Variants in COG5 observed in about 807,000 individuals in gnomAD.
COG5 encodes conserved oligomeric Golgi complex subunit 5.
COG5 carries 86 observed loss-of-function variants against 110.4 expected under a neutral mutation model. The ratio of observed to expected loss-of-function variants is 0.78; its 90% CI spans 0.65 to 0.93. COG5 has a LOEUF of 0.93. Ranked by LOEUF, COG5 falls within the 40% of genes least tolerant of loss-of-function variation. The pLI is 0.00. For missense variants in COG5, 1,077 were observed against 987.0 expected, an observed-to-expected ratio of 1.09 and a Z score of -1.22; for synonymous variants, 360 against 334.6, an observed-to-expected ratio of 1.08 and a Z score of -0.83.
chr7:107,471,165 A>G (rs1796610692), intron 6 of COG5, among the ~76,000 whole-genome samples: 2 of 152,198 alleles, frequency 1.3e-5, no homozygotes, highest in African/African-American at 4.8e-5. Context: ...CTCTATTGTT[A>G]AATAACATAA....
chr7:107,212,487 A>G (rs1358107333), intron 19 of COG5, among the ~76,000 whole-genome samples: 1 of 152,238 alleles, frequency 6.6e-6, no homozygotes, highest in Non-Finnish European at 1.5e-5. Flanking sequence ...CTTTGCTGAG[A>G]ATATTTCAGA....
intron 6 of COG5, among the ~76,000 whole-genome samples, chr7:107,415,842 GTA>G (rs201210358): frequency 0.068 from 3,557 of 52,206 alleles, 526 homozygotes; most frequent in African/African-American, 0.13. Flanking sequence ...GTATGTGTGT[GTA>G]TATATACACA....
At chr7:107,267,949 A>G (rs1001065557) in intron 14 of COG5, among the ~76,000 whole-genome samples, 2 of 152,154 alleles carry the variant, frequency 1.3e-5, no homozygotes, top group Non-Finnish European at 2.9e-5. Context: ...ATGCATTATT[A>G]CTTTTCGTAG....
intron 11 of COG5, among the ~76,000 whole-genome samples, chr7:107,301,520 T>C (rs1015532901): frequency 6.6e-6 from 1 of 152,010 alleles, no homozygotes; most frequent in South Asian, 2.1e-4. Context: ...GAAATGCAAA[T>C]TAAAACCACA....
At chr7:107,226,884 T>C (rs544812371) in intron 19 of COG5, among the ~76,000 whole-genome samples, 87 of 152,374 alleles carry the variant, frequency 5.7e-4, no homozygotes, top group East Asian at 1.3e-3. Context: ...TAATGGTATA[T>C]AGAAAAATAC....
chr7:107,495,595 G>T (rs1053633853), intron 6 of COG5, among the ~76,000 whole-genome samples: 1 of 151,924 alleles, frequency 6.6e-6, no homozygotes, highest in African/African-American at 2.4e-5. Flanking sequence ...GAAAAAAAAA[G>T]TCAATAGAAA....
In COG5 at chr7:107,415,870, ATG is replaced by A. The variant is rs1219659562; in HGVS notation, c.539-3240_539-3239del. 6.6e-5 allele frequency among the ~76,000 whole-genome samples: 7 copies of A among 106,318 alleles called. 2 individuals carry two copies. The highest frequency in any genetic ancestry group is 2.5e-4 in the African/African-American group (7 of 28,054). 69.7% of individuals were successfully genotyped at this position (106,318 alleles called of 152,430 possible). A position where few individuals can be genotyped will look rare whatever the true frequency, so the allele number is the denominator to read the frequency against. On this transcript the variant is annotated intron_variant, in intron 6 of 21. Coordinates refer to ENST00000297135, the MANE Select transcript of COG5 (RefSeq NM_006348.5). ...TATATACACACACATACACGTATGT[ATG>A]TATGTGTGTGTATATACACACACAT... is the stretch of plus-strand genomic sequence containing the variant.
At chr7:107,553,538 C>G (rs1013216207) in intron 3 of COG5, among the ~76,000 whole-genome samples, 10 of 152,030 alleles carry the variant, frequency 6.6e-5, no homozygotes, top group African/African-American at 2.4e-4. Context: ...GAGAAAAACC[C>G]CTTACCTTTC....
At chr7:107,332,559 A>T (rs1387437314) in intron 10 of COG5, among the ~76,000 whole-genome samples, 1 of 152,162 alleles carries the variant, frequency 6.6e-6, no homozygotes, top group African/African-American at 2.4e-5. Flanking sequence ...CTGAGGGAGG[A>T]GAGATTTAAG....
intron 11 of COG5, among the ~76,000 whole-genome samples, chr7:107,320,631 G>A (rs1226277884): frequency 6.6e-6 from 1 of 152,178 alleles, no homozygotes; most frequent in Non-Finnish European, 1.5e-5. Flanking sequence ...GGTTGCAATT[G>A]CAGGTTAGGT....
chr7:107,412,370 T>C (rs1449570975), intron 7 of COG5, 132 bp downstream of exon 7: 38 of 801,830 alleles, frequency 4.7e-5, no homozygotes, highest in South Asian at 2.1e-4. Context: ...CATTCTTTGA[T>C]TTAAATTGTA....
At chr7:107,355,645 A>C (rs1443148034) in intron 10 of COG5, among the ~76,000 whole-genome samples, 1 of 152,242 alleles carries the variant, frequency 6.6e-6, no homozygotes, top group African/African-American at 2.4e-5. Context: ...TTAAACGCAT[A>C]TTGCTAAGTG....
intron 10 of COG5, among the ~76,000 whole-genome samples, chr7:107,325,604 TTGCGCCAC>T (rs1274905022): frequency 6.6e-6 from 1 of 152,244 alleles, no homozygotes; most frequent in East Asian, 1.9e-4. Context: ...TGAGCCAAGA[TTGCGCCAC>T]TGCACTTCAG....
intron 6 of COG5, among the ~76,000 whole-genome samples, chr7:107,477,802 AGAC>A (rs1253302668): frequency 6.6e-6 from 1 of 151,950 alleles, no homozygotes; most frequent in Non-Finnish European, 1.5e-5. Context: ...TGAGAAGCTT[AGAC>A]AACTTTTTGT....
intron 6 of COG5, among the ~76,000 whole-genome samples, chr7:107,476,214 T>C (rs1272711103): frequency 4.9e-5 from 4 of 81,570 alleles, no homozygotes; most frequent in Non-Finnish European, 7.3e-5. Flanking sequence ...AAAAGAACAG[T>C]ACATCAAAAT....
At chr7:107,354,357 C>G (rs1812440441) in intron 10 of COG5, among the ~76,000 whole-genome samples, 2 of 152,042 alleles carry the variant, frequency 1.3e-5, no homozygotes, top group South Asian at 4.2e-4. Context: ...GTTTATGAAC[C>G]CTATATAAAA....
At chr7:107,250,024 G>C (rs1490007594) in intron 16 of COG5, among the ~76,000 whole-genome samples, 1 of 151,986 alleles carries the variant, frequency 6.6e-6, no homozygotes, top group East Asian at 1.9e-4. Flanking sequence ...TAAGAAGTTA[G>C]GAATTTATCC....
chr7:107,524,104 G>C (rs923693828), intron 6 of COG5, among the ~76,000 whole-genome samples: 2 of 152,096 alleles, frequency 1.3e-5, no homozygotes, highest in African/African-American at 4.8e-5. Flanking sequence ...ATAATAAAAA[G>C]GCAAAGGTAT....
At chr7:107,346,272 T>A (rs1410763530) in intron 10 of COG5, among the ~76,000 whole-genome samples, 2 of 152,242 alleles carry the variant, frequency 1.3e-5, no homozygotes, top group African/African-American at 2.4e-5. Context: ...TTTAATATTT[T>A]ATCATTTAAA....
Sources: gnomAD v4.1 joint callset for allele counts (sites outside exome capture counted in the v4.1 genomes callset) on GRCh38, gnomAD v4.1.1 for gene constraint, MANE v1.5 for transcripts, NCBI Gene and HGNC (gene_info 2026-07-23, HGNC 2026-07-21) for gene names.